The following STT3A variants were observed in gnomAD, a reference collection of about 807,000 sequenced individuals.
STT3A encodes the protein STT3 oligosaccharyltransferase complex catalytic subunit A, also known as dolichyl-diphosphooligosaccharide--protein glycosyltransferase subunit STT3A.
In STT3A, 34 loss-of-function variants were observed where a neutral mutation model predicts 89.2. That is an observed-to-expected ratio of 0.38 (90% CI 0.29 to 0.51). STT3A has a LOEUF of 0.51. STT3A is among the 20% of genes least tolerant of loss of function. STT3A has a pLI of 0.89. For synonymous variants in STT3A, 282 were observed against 310.3 expected (o/e 0.91, Z 0.96); for missense variants, 555 against 889.5 (o/e 0.62, Z 4.78).
At chr11:125,597,951 C>A (rs1467649648) in intron 3 of STT3A, among the ~76,000 whole-genome samples, 1 of 152,170 alleles carries the variant, frequency 6.6e-6, no homozygotes, top group East Asian at 1.9e-4. Context: ...CGGTGGCTCA[C>A]GCCTGTAATC....
At chr11:125,603,382 C>T (rs909738726) in intron 5 of STT3A, 6 of 160,094 alleles carry the variant, frequency 3.7e-5, no homozygotes, top group South Asian at 3.4e-4. Flanking sequence ...ATTTGGCTTC[C>T]GTAGTAGACT....
intron 7 of STT3A, 101 bp downstream of exon 7, chr11:125,605,836 CT>C: frequency 9.8e-7 from 1 of 1,016,030 alleles, no homozygotes; most frequent in Non-Finnish European, 1.4e-6. Context: ...GTAGGTTCCC[CT>C]AAATTTTTTT....
intron 3 of STT3A, among the ~76,000 whole-genome samples, chr11:125,599,824 G>A (rs1220872324): frequency 3.4e-5 from 5 of 145,724 alleles, no homozygotes; most frequent in South Asian, 2.2e-4. Flanking sequence ...TCTGCCTCCC[G>A]GGTTCAAGCG....
chr11:125,608,170 C>G lies in STT3A; in HGVS notation c.842C>G (p.Ala281Gly), dbSNP rs1939891376. ...FGVFGLCQIH[A>G]FVDYLRSKLN... ...GTCTTTGGTCTCTGCCAGATCCATG[C>G]CTTTGTGGATTACCTGCGCAGCAAG... The change falls in exon 9 of 18, where the codon GCC (alanine) becomes GGC (glycine). Residue 281 changes from alanine to glycine, a missense_variant. Physicochemically the swap from Ala to Gly is moderately conservative, Grantham distance 60 (BLOSUM62 0). This residue lies in a region of STT3A where 149 missense variants were observed against 206.2 expected (regional missense o/e 0.72). Coordinates refer to ENST00000392708, the MANE Select transcript of STT3A (RefSeq NM_152713.5). The G allele has an allele frequency of 2.5e-6, 4 of 1,614,162 alleles. No homozygotes were observed. The East Asian group carries it at 8.9e-5, about 36-fold the overall frequency.
chr11:125,609,103 G>A (rs1467765509), intron 9 of STT3A, among the ~76,000 whole-genome samples: 1 of 152,204 alleles, frequency 6.6e-6, no homozygotes, highest in Non-Finnish European at 1.5e-5. Flanking sequence ...TTCAGAGCAG[G>A]ACTTGAGGAT....
In STT3A at chr11:125,614,525, A is replaced by G. The variant is rs895340174; in HGVS notation, c.1774+99A>G. On this transcript the variant is annotated intron_variant, in intron 15 of 17. Coordinates refer to ENST00000392708, the MANE Select transcript of STT3A (RefSeq NM_152713.5). This position sits in a 1 kb window ranked among gnomAD's most constrained non-coding sequence, Gnocchi z 4.9. ...GTACTTTTACTAATATTTTACTAAG[A>G]TATTTTTCTTTCATGGGAAGTTCCT... 1.6e-5 allele frequency: 19 copies of G among 1,220,900 alleles called. No individual in the cohort carries two copies. In the Admixed American group the frequency reaches 4.3e-4, roughly 28 times the overall value. The allele number at this position is 1,220,900 out of a possible 1,614,324, so 75.6% of individuals were successfully genotyped here. A position where few individuals can be genotyped will look rare whatever the true frequency, so the allele number is the denominator to read the frequency against.
In STT3A at chr11:125,608,220, C is replaced by T. The variant is rs1169784798; in HGVS notation, c.892C>T (p.Leu298Phe). Residue 298 changes from leucine to phenylalanine, a missense_variant, in exon 9 of 18, where the codon CTT becomes TTT. Leu to Phe is a conservative substitution (Grantham distance 22). This residue lies in a region of STT3A where 149 missense variants were observed against 206.2 expected (regional missense o/e 0.72). Coordinates refer to ENST00000392708, the MANE Select transcript of STT3A (RefSeq NM_152713.5). ...SKLNPQQFEV[L>F]FRSVISLVGF... The stretch of plus-strand genomic sequence containing the variant: ...GTTGAATCCACAACAATTTGAAGTT[C>T]TTTTCCGGAGCGTCATCTCTCTGGT... 1.9e-6 allele frequency: 3 copies of T among 1,614,242 alleles called. No individual in the cohort carries two copies. Among genetic ancestry groups the T allele is most frequent in the East Asian group, 2.2e-5 (1 of 44,894 alleles).
At chr11:125,595,583 C>G (rs1939467646) in intron 1 of STT3A, among the ~76,000 whole-genome samples, 1 of 151,936 alleles carries the variant, frequency 6.6e-6, no homozygotes, top group Non-Finnish European at 1.5e-5. Flanking sequence ...CTTCCTTGTG[C>G]TATACTATTG....
chr11:125,606,572 C>G (rs1209024957), intron 8 of STT3A, 107 bp downstream of exon 8: 59 of 1,244,260 alleles, frequency 4.7e-5, no homozygotes, highest in South Asian at 2.2e-4. Flanking sequence ...TTATTCACAG[C>G]CTTTATATTG....
At chr11:125,617,753 A>G (rs1281013697) in intron 15 of STT3A, among the ~76,000 whole-genome samples, 5 of 152,344 alleles carry the variant, frequency 3.3e-5, no homozygotes, top group African/African-American at 9.6e-5. Context: ...TGGTAAAGCT[A>G]CTACTCTTTA....
chr11:125,594,121 C>G (rs1368037818), intron 1 of STT3A, among the ~76,000 whole-genome samples: 1 of 152,054 alleles, frequency 6.6e-6, no homozygotes, highest in African/African-American at 2.4e-5. Context: ...TAATTATTTC[C>G]CGACTTGATC....
At chr11:125,616,782 A>T (rs1191880392) in intron 15 of STT3A, among the ~76,000 whole-genome samples, 2 of 152,122 alleles carry the variant, frequency 1.3e-5, no homozygotes, top group Non-Finnish European at 2.9e-5. Context: ...TGCTCAAGTG[A>T]TCTTCCCACC....
upstream of STT3A, chr11:125,592,013 A>T (rs1939310590): frequency 1.2e-5 from 2 of 165,034 alleles, no homozygotes; most frequent in South Asian, 2.5e-4. Flanking sequence ...AAGTTAGGAT[A>T]GGGAGAGCGG....
intron 15 of STT3A, among the ~76,000 whole-genome samples, chr11:125,615,183 C>T (rs1179054374): frequency 2.0e-5 from 3 of 152,078 alleles, no homozygotes; most frequent in African/African-American, 7.2e-5. Context: ...AGGAGAATCG[C>T]TTGAACTCGG....
chr11:125,611,256 T>C, intron 10 of STT3A, 172 bp from the exon 11 acceptor site: 1 of 547,132 alleles, frequency 1.8e-6, no homozygotes, highest in South Asian at 2.3e-5. Context: ...TAAAGTGTGC[T>C]GTAGTAAACA....
chr11:125,615,417 A>T (rs1339614196), intron 15 of STT3A, among the ~76,000 whole-genome samples: 1 of 152,172 alleles, frequency 6.6e-6, no homozygotes, highest in Non-Finnish European at 1.5e-5. Context: ...AATACTGTGT[A>T]TACAGTTTCC....
In STT3A at chr11:125,618,287, G is replaced by A. The variant is rs569266518; in HGVS notation, c.1775-86G>A. 16 of 1,278,330 alleles carry A rather than the reference G, an allele frequency of 1.3e-5. No individual in the cohort carries two copies. The African/African-American group carries it at 2.0e-4, about 16-fold the overall frequency. The allele number at this position is 1,278,330 out of a possible 1,614,324, so 79.2% of individuals were successfully genotyped here. On this transcript the variant is annotated intron_variant, in intron 15 of 17. Coordinates refer to ENST00000392708, the MANE Select transcript of STT3A (RefSeq NM_152713.5). Reference sequence around the variant, plus strand: ...TGATACCAATCCCCATTAAAAAAATGTTGAGGAATTTTCTTAGAAATACTA... The same window carrying A: ...TGATACCAATCCCCATTAAAAAAATATTGAGGAATTTTCTTAGAAATACTA...
In STT3A at chr11:125,620,897, GCA is replaced by G; in HGVS notation, c.*88_*89del. On this transcript the variant is annotated 3_prime_UTR_variant, in exon 18 of 18. Transcript: ENST00000392708. ...TTTTTTTTTTTTTTTTTTTTAATAT[GCA>G]GTTTGTAAGAACAAAACTGGATGGC... is the stretch of plus-strand genomic sequence containing the variant. 1 of 1,105,968 alleles carries G rather than the reference GCA, an allele frequency of 9.0e-7. No homozygotes were observed. Among genetic ancestry groups the G allele is most frequent in the Non-Finnish European group, 1.3e-6 (1 of 789,254 alleles). The allele number at this position is 1,105,968 out of a possible 1,614,324, so 68.5% of individuals were successfully genotyped here. A position where few individuals can be genotyped will look rare whatever the true frequency, so the allele number is the denominator to read the frequency against.
At chr11:125,609,192 C>T (rs1443171262) in intron 9 of STT3A, among the ~76,000 whole-genome samples, 3 of 152,202 alleles carry the variant, frequency 2.0e-5, no homozygotes, top group Admixed American at 6.5e-5. Context: ...ATTTCTGCCT[C>T]TGTTCTTCTC....
Sources: allele counts gnomAD v4.1 joint callset (sites outside exome capture counted in the v4.1 genomes callset), GRCh38; gene constraint gnomAD v4.1.1; regional missense constraint gnomAD v4.1.1; non-coding constraint Gnocchi (gnomAD v3.1); transcripts MANE v1.5; gene names NCBI Gene and HGNC (gene_info 2026-07-23, HGNC 2026-07-21).